SCP2: variants seen among roughly 807,000 people sequenced by gnomAD.
SCP2 encodes SCP-2/3-oxoacyl-CoA thiolase.
A neutral mutation model predicts 71.4 loss-of-function variants in SCP2; 48 were observed. That is an observed-to-expected ratio of 0.67 (90% CI 0.53 to 0.86). SCP2 has a LOEUF of 0.86. Among genes scored for constraint, SCP2 ranks in the 40% least tolerant of loss-of-function variants. SCP2 has a pLI of 0.00. For synonymous variants in SCP2, 220 were observed against 218.1 expected (o/e 1.01, Z -0.08); for missense variants, 560 against 655.6 (o/e 0.85, Z 1.59).
In SCP2 at chr1:52,950,760, T is replaced by C. The variant is rs1482900168; in HGVS notation, c.205T>C (p.Ser69Pro). Residue 69 changes from serine (S) to proline (P), a missense_variant, in exon 4 of 16, where the codon TCT becomes CCT. This residue lies in a region of SCP2 where 513 missense variants were observed against 573.1 expected (regional missense o/e 0.90). Transcript: ENST00000371514. ...ATTTTTGTTTTTCTATTCAGGTGACTCTACCTGTGGGCAGAGGGCTATCTA... is the reference window on the plus strand; with the variant it reads ...ATTTTTGTTTTTCTATTCAGGTGACCCTACCTGTGGGCAGAGGGCTATCTA... ...QACVGYVFGD[S>P]TCGQRAIYHS... is the part of the protein sequence containing the mutation. 1 of 1,613,614 alleles carries C rather than the reference T, an allele frequency of 6.2e-7. No individual in the cohort carries two copies. Among genetic ancestry groups the C allele is most frequent in the East Asian group, 2.2e-5 (1 of 44,864 alleles).
intron 11 of SCP2, among the ~76,000 whole-genome samples, chr1:53,002,846 G>T (rs567446769): frequency 1.3e-5 from 2 of 152,132 alleles, no homozygotes; most frequent in East Asian, 1.9e-4. Context: ...CCAAGGGACC[G>T]AGCATTTTCA....
chr1:53,010,018 C>T (rs1412908549), intron 11 of SCP2, among the ~76,000 whole-genome samples: 5 of 152,190 alleles, frequency 3.3e-5, no homozygotes, highest in Non-Finnish European at 7.3e-5. Context: ...CCAACAGACA[C>T]ATGAAAAAAT....
rs191568149 is a variant in SCP2, at chr1:52,933,522, A to G, written c.69+6057A>G. 2.6e-5 allele frequency among the ~76,000 whole-genome samples: 4 copies of G among 152,376 alleles called. No homozygotes were observed. In the South Asian group the frequency reaches 6.2e-4, roughly 24 times the overall value. ...ATCAACTAATTATAGTCTTTGGAGGATAACAGGGAACCTACTCATTGTCTT... is the reference window on the plus strand; with the variant it reads ...ATCAACTAATTATAGTCTTTGGAGGGTAACAGGGAACCTACTCATTGTCTT... On this transcript the variant is annotated intron_variant, in intron 1 of 15. Coordinates refer to ENST00000371514, the MANE Select transcript of SCP2 (RefSeq NM_002979.5).
chr1:52,975,884 C>T (rs1403917669), intron 7 of SCP2, among the ~76,000 whole-genome samples: 1 of 152,136 alleles, frequency 6.6e-6, no homozygotes, highest in Non-Finnish European at 1.5e-5. Context: ...ACTGCTCATA[C>T]GTCAGACATT....
intron 11 of SCP2, among the ~76,000 whole-genome samples, chr1:53,013,839 G>GTAAGT (rs1051000281): frequency 2.0e-4 from 28 of 143,462 alleles, no homozygotes; most frequent in Admixed American, 3.5e-4. Context: ...AATAGGCACT[G>GTAAGT]TAAGTAGTAG....
At chr1:53,006,466 G>A (rs1379306587) in intron 11 of SCP2, among the ~76,000 whole-genome samples, 1 of 152,116 alleles carries the variant, frequency 6.6e-6, no homozygotes, top group East Asian at 1.9e-4. Flanking sequence ...GAGAGTGGGG[G>A]CCAATATTCA....
At chr1:52,953,095 G>T (rs1655469053) in intron 4 of SCP2, among the ~76,000 whole-genome samples, 1 of 146,878 alleles carries the variant, frequency 6.8e-6, no homozygotes. Flanking sequence ...AGCTTCTGCA[G>T]GAATATTTGG....
chr1:53,037,924 A>ACACACACACAC (rs1663108227), intron 13 of SCP2, among the ~76,000 whole-genome samples: 1 of 130,346 alleles, frequency 7.7e-6, no homozygotes, highest in African/African-American at 2.8e-5. Flanking sequence ...ACACACACAC[A>ACACACACACAC]CACACAGATC....
intron 12 of SCP2, among the ~76,000 whole-genome samples, chr1:53,026,271 A>G (rs1194984827): frequency 2.0e-5 from 3 of 152,124 alleles, no homozygotes; most frequent in Non-Finnish European, 4.4e-5. Flanking sequence ...CATTTGAATT[A>G]TTCTCTTTTG....
intron 11 of SCP2, chr1:52,995,040 C>G (rs1181584390): frequency 1.2e-5 from 6 of 505,394 alleles, no homozygotes; most frequent in Non-Finnish European, 2.4e-5. Flanking sequence ...CCAAAGGCCA[C>G]TACATAGAGG....
At chr1:52,949,758 G>C (rs1444401271) in intron 3 of SCP2, among the ~76,000 whole-genome samples, 1 of 152,214 alleles carries the variant, frequency 6.6e-6, no homozygotes, top group Non-Finnish European at 1.5e-5. Context: ...GCCAGTATAA[G>C]CATGCCAGGG....
At chr1:53,002,558 A>G (rs1660386212) in intron 11 of SCP2, among the ~76,000 whole-genome samples, 1 of 152,232 alleles carries the variant, frequency 6.6e-6, no homozygotes, top group Non-Finnish European at 1.5e-5. Context: ...ACAACTTGAT[A>G]GGAATGTTGT....
chr1:52,961,953 G>T (rs1450787706), intron 6 of SCP2, among the ~76,000 whole-genome samples: 1 of 152,070 alleles, frequency 6.6e-6, no homozygotes, highest in African/African-American at 2.4e-5. Flanking sequence ...TGCAGGTTGG[G>T]TGCAGTGGTG....
intron 6 of SCP2, among the ~76,000 whole-genome samples, chr1:52,965,397 G>A (rs1656859984): frequency 6.6e-6 from 1 of 152,120 alleles, no homozygotes; most frequent in African/African-American, 2.4e-5. Flanking sequence ...GTATTTATGA[G>A]GCTGAGTTGT....
At chr1:52,993,181 A>C in intron 11 of SCP2, 1 of 1,613,458 alleles carries the variant, frequency 6.2e-7, no homozygotes, top group Non-Finnish European at 8.5e-7. Context: ...GTTGGTAGCT[A>C]AAACTGAAGG....
Position 52,994,047 on chromosome 1 carries a change from T to C in SCP2, c.1081+5911T>C, listed in dbSNP as rs549714480. On this transcript the variant is annotated intron_variant, in intron 11 of 15. Coordinates refer to ENST00000371514, the MANE Select transcript of SCP2 (RefSeq NM_002979.5). ...ACACCCTCAAGGTACCGTATCTGTA[T>C]GTAAATGTTGTGCCCAATGCTACAC... The C allele has an allele frequency of 2.6e-5, 30 of 1,160,144 alleles. No homozygotes were observed. In the East Asian group the frequency reaches 9.3e-4, roughly 36 times the overall value. 71.9% of individuals were successfully genotyped at this position (1,160,144 alleles called of 1,614,324 possible).
intron 11 of SCP2, chr1:52,994,026 C>T (rs1659745795): frequency 8.4e-7 from 1 of 1,192,678 alleles, no homozygotes; most frequent in Admixed American, 3.9e-5. Flanking sequence ...AGCGTGACAC[C>T]CTCAAGGTAC....
At chr1:52,993,868 G>C in intron 11 of SCP2, 1 of 1,474,266 alleles carries the variant, frequency 6.8e-7, no homozygotes, top group Admixed American at 2.2e-5. Flanking sequence ...TCATATGATA[G>C]TATTCCTAAG....
intron 12 of SCP2, among the ~76,000 whole-genome samples, chr1:53,015,709 G>A (rs1458150625): frequency 6.6e-6 from 1 of 152,082 alleles, no homozygotes; most frequent in African/African-American, 2.4e-5. Context: ...CAGCATACAT[G>A]TTCAGGTCTT....
Sources: allele counts gnomAD v4.1 joint callset (sites outside exome capture counted in the v4.1 genomes callset), GRCh38; gene constraint gnomAD v4.1.1; regional missense constraint gnomAD v4.1.1; transcripts MANE v1.5; gene names NCBI Gene and HGNC (gene_info 2026-07-23, HGNC 2026-07-21).